Variants in CLDN8 observed in about 807,000 individuals in gnomAD.
CLDN8 encodes claudin 8, also known as claudin-8.
A neutral mutation model predicts 2.2 loss-of-function variants in CLDN8; 2 were observed. That is an observed-to-expected ratio of 0.90 (90% CI 0.37 to 2.82). The LOEUF (loss-of-function observed/expected upper bound fraction) is 2.82, where lower values mean the gene tolerates loss of function less well. Ranked by LOEUF, CLDN8 falls within the 30% of genes most tolerant of loss-of-function variation. CLDN8 has a pLI of 0.10. For synonymous variants in CLDN8, 107 were observed against 104.8 expected (o/e 1.02, Z -0.13); for missense variants, 314 against 280.5 (o/e 1.12, Z -0.85).
rs768250266 is a variant in CLDN8 at position 30,215,376 on chromosome 21, A to T, written c.550T>A (p.Cys184Ser). ...CTCTTTTCGTTGCAACAAAAAACGCAGCAGAACAGAGCTCCTCCAACAATC... is the reference window on the plus strand; with the variant it reads ...CTCTTTTCGTTGCAACAAAAAACGCTGCAGAACAGAGCTCCTCCAACAATC... ...VLIVGGALFC[C>S]VFCCNEKSSS... The change falls in exon 1 of 1, where the codon TGC becomes AGC. Residue 184 changes from cysteine (C) to serine (S), a missense_variant. Transcript: ENST00000399899. 1.2e-6 allele frequency: 2 copies of T among 1,614,160 alleles called. No homozygotes were observed. Among genetic ancestry groups the T allele is most frequent in the Non-Finnish European group, 1.7e-6 (2 of 1,180,010 alleles).
chr21:30,215,792 T>A lies in CLDN8; in HGVS notation c.134A>T (p.Asn45Ile), dbSNP rs778608955. 7 of 1,613,798 alleles carry A rather than the reference T, an allele frequency of 4.3e-6. No individual in the cohort carries two copies. The highest frequency in any genetic ancestry group is 1.6e-4 in the Middle Eastern group (1 of 6,084). The change falls in exon 1 of 1, where the codon AAC becomes ATC. Residue 45 changes from asparagine to isoleucine, a missense_variant. Asn to Ile is a moderately radical substitution (Grantham distance 149, BLOSUM62 -3). Transcript: ENST00000399899. ...FIENNIVVFE[N>I]FWEGLWMNCV... ...ATTCATCCACAGTCCTTCCCAGAAG[T>A]TTTCAAAAACCACGATGTTGTTTTC...
Position 30,214,174 on chromosome 21 carries a change from A to G in CLDN8, c.*1074T>C, listed in dbSNP as rs1029154011. 1 of 152,212 alleles carries G rather than the reference A, an allele frequency of 6.6e-6. No individual in the cohort carries two copies. The highest frequency in any genetic ancestry group is 2.4e-5 in the African/African-American group (1 of 41,478). 9.4% of individuals were successfully genotyped at this position (152,212 alleles called of 1,614,324 possible). On this transcript the variant is annotated 3_prime_UTR_variant, in exon 1 of 1. Coordinates refer to ENST00000399899, the MANE Select transcript of CLDN8 (RefSeq NM_199328.3). ...AGTATTTACAGATTTTAGTAAAACT[A>G]AACAGAAATGGTACAAGAAGGAAAT...
Position 30,215,604 on chromosome 21 carries a change from T to A in CLDN8, c.322A>T (p.Thr108Ser). Reference protein sequence around the residue: ...AILGMKCTRCTGDNEKVKAHI... With the variant: ...AILGMKCTRCSGDNEKVKAHI... Reference sequence around the variant, plus strand: ...GCCTTCACCTTCTCATTGTCCCCCGTGCACCTGGTGCATTTCATGCCAAGG... The same window carrying A: ...GCCTTCACCTTCTCATTGTCCCCCGAGCACCTGGTGCATTTCATGCCAAGG... Residue 108 changes from threonine to serine, a missense_variant, in exon 1 of 1, where the codon ACG (threonine) becomes TCG (serine). By Grantham distance (58) the Thr-to-Ser change is moderately conservative. Transcript: ENST00000399899. 1 of 1,614,086 alleles carries A rather than the reference T, an allele frequency of 6.2e-7. No individual in the cohort carries two copies. The highest frequency in any genetic ancestry group is 8.5e-7 in the Non-Finnish European group (1 of 1,180,002).
rs776257548 is a variant in CLDN8, at chr21:30,215,382, A to G, written c.544T>C (p.Phe182Leu). 1 of 1,614,150 alleles carries G rather than the reference A, an allele frequency of 6.2e-7. No individual in the cohort carries two copies. The highest frequency in any genetic ancestry group is 1.7e-5 in the Admixed American group (1 of 60,018). The change falls in exon 1 of 1, where the codon TTC becomes CTC. Residue 182 changes from phenylalanine to leucine, a missense_variant. By Grantham distance (22) the Phe-to-Leu change is conservative (BLOSUM62 0). Coordinates refer to ENST00000399899, the MANE Select transcript of CLDN8 (RefSeq NM_199328.3). ...ALVLIVGGAL[F>L]CCVFCCNEKS... ...TCGTTGCAACAAAAAACGCAGCAGA[A>G]CAGAGCTCCTCCAACAATCAGCACC... is the stretch of plus-strand genomic sequence containing the variant.
At position 30,215,597 on chromosome 21, in the gene CLDN8, T is replaced by C; in HGVS notation, c.329A>G (p.Asp110Gly). Residue 110 changes from aspartate to glycine, a missense_variant, in exon 1 of 1, where the codon GAC becomes GGC. By Grantham distance (94) the Asp-to-Gly change is moderately conservative (BLOSUM62 -1). Coordinates refer to ENST00000399899, the MANE Select transcript of CLDN8 (RefSeq NM_199328.3). ...AATGTGAGCCTTCACCTTCTCATTG[T>C]CCCCCGTGCACCTGGTGCATTTCAT... ...LGMKCTRCTG[D>G]NEKVKAHILL... The C allele has an allele frequency of 6.2e-7, 1 of 1,613,880 alleles. No individual in the cohort carries two copies. The highest frequency in any genetic ancestry group is 8.5e-7 in the Non-Finnish European group (1 of 1,179,976).
In CLDN8 at chr21:30,214,591, A is replaced by G. The variant is rs1978885108; in HGVS notation, c.*657T>C. Reference sequence around the variant, plus strand: ...TTTTAAAAATGTTAATTTAATACACAAGAAAAAAAAAGCCTCTGGGAGAAG... The same window carrying G: ...TTTTAAAAATGTTAATTTAATACACGAGAAAAAAAAAGCCTCTGGGAGAAG... On this transcript the variant is annotated 3_prime_UTR_variant, in exon 1 of 1. Transcript: ENST00000399899. 6.6e-6 allele frequency: 1 copy of G among 152,220 alleles called. No homozygotes were observed. Among genetic ancestry groups the G allele is most frequent in the South Asian group, 2.1e-4 (1 of 4,832 alleles). 9.4% of individuals were successfully genotyped at this position (152,220 alleles called of 1,614,324 possible). A position where few individuals can be genotyped will look rare whatever the true frequency, so the allele number is the denominator to read the frequency against.
chr21:30,214,925 C>CTA lies in CLDN8; in HGVS notation c.*321_*322dup. ...GTTACACTCATCTATGTACATAATGCTATGTCGTGGAGAAATTACAGTAGT... is the reference window on the plus strand; with the variant it reads ...GTTACACTCATCTATGTACATAATGCTATATGTCGTGGAGAAATTACAGTAGT... On this transcript the variant is annotated 3_prime_UTR_variant, in exon 1 of 1. Transcript: ENST00000399899. 7.3e-6 allele frequency: 2 copies of CTA among 273,740 alleles called. No individual in the cohort carries two copies. Among genetic ancestry groups the CTA allele is most frequent in the Non-Finnish European group, 1.4e-5 (2 of 141,858 alleles). The allele number at this position is 273,740 out of a possible 1,614,324, so 17.0% of individuals were successfully genotyped here.
chr21:30,215,638 C>G lies in CLDN8; in HGVS notation c.288G>C (p.Met96Ile). 1 of 1,614,078 alleles carries G rather than the reference C, an allele frequency of 6.2e-7. No individual in the cohort carries two copies. The highest frequency in any genetic ancestry group is 8.5e-7 in the Non-Finnish European group (1 of 1,180,018). Residue 96 changes from methionine to isoleucine, a missense_variant, in exon 1 of 1, where the codon ATG becomes ATC. Coordinates refer to ENST00000399899, the MANE Select transcript of CLDN8 (RefSeq NM_199328.3). ...TGCATTTCATGCCAAGGATGGCCATCATGAAAGCCAAGAAGGACATCACGG... is the reference window on the plus strand; with the variant it reads ...TGCATTTCATGCCAAGGATGGCCATGATGAAAGCCAAGAAGGACATCACGG... The part of the protein sequence containing the change: ...AASVMSFLAF[M>I]MAILGMKCTR...
In CLDN8 at chr21:30,214,736, A is replaced by C. The variant is rs1978891600; in HGVS notation, c.*512T>G. Reference sequence around the variant, plus strand: ...TTTTAATCTTCATTATAAATGGAGGACATTAATCCCTAAGCTGTTTTTAAA... The same window carrying C: ...TTTTAATCTTCATTATAAATGGAGGCCATTAATCCCTAAGCTGTTTTTAAA... On this transcript the variant is annotated 3_prime_UTR_variant, in exon 1 of 1. Coordinates refer to ENST00000399899, the MANE Select transcript of CLDN8 (RefSeq NM_199328.3). 6.5e-6 allele frequency: 1 copy of C among 153,138 alleles called. No individual in the cohort carries two copies. Among genetic ancestry groups the C allele is most frequent in the Non-Finnish European group, 1.5e-5 (1 of 68,412 alleles). The allele number at this position is 153,138 out of a possible 1,614,324, so 9.5% of individuals were successfully genotyped here.
rs528320810 is a variant in CLDN8 at position 30,214,293 on chromosome 21, T to G, written c.*955A>C. On this transcript the variant is annotated 3_prime_UTR_variant, in exon 1 of 1. Coordinates refer to ENST00000399899, the MANE Select transcript of CLDN8 (RefSeq NM_199328.3). ...AAGGACAACTTTTTTTGTTGTTGTT[T>G]TTTTGGTAAGCAAATGAAAACCAAG... 80 of 152,274 alleles carry G rather than the reference T, an allele frequency of 5.3e-4. No individual in the cohort carries two copies. The highest frequency in any genetic ancestry group is 1.6e-3 in the African/African-American group (68 of 41,584). The allele number at this position is 152,274 out of a possible 1,614,324, so 9.4% of individuals were successfully genotyped here.
rs1271825272 is a variant in CLDN8, at chr21:30,214,462, T to C, written c.*786A>G. The C allele has an allele frequency of 6.6e-6, 1 of 152,152 alleles. No individual in the cohort carries two copies. The highest frequency in any genetic ancestry group is 2.4e-5 in the African/African-American group (1 of 41,456). The allele number at this position is 152,152 out of a possible 1,614,324, so 9.4% of individuals were successfully genotyped here. A position where few individuals can be genotyped will look rare whatever the true frequency, so the allele number is the denominator to read the frequency against. ...ATACAAAAACAAAAATATTTTCACT[T>C]TCCTAAAACCATCACTTTTTCTTAG... is the stretch of plus-strand genomic sequence containing the variant. On this transcript the variant is annotated 3_prime_UTR_variant, in exon 1 of 1. Coordinates refer to ENST00000399899, the MANE Select transcript of CLDN8 (RefSeq NM_199328.3).
Position 30,215,387 on chromosome 21 carries a change from G to A in CLDN8, c.539C>T (p.Ala180Val). 1 of 1,614,094 alleles carries A rather than the reference G, an allele frequency of 6.2e-7. No homozygotes were observed. Among genetic ancestry groups the A allele is most frequent in the Non-Finnish European group, 8.5e-7 (1 of 1,180,002 alleles). ...TTALVLIVGGALFCCVFCCNE... is the reference protein window; with the variant it reads ...TTALVLIVGGVLFCCVFCCNE... ...GCAACAAAAAACGCAGCAGAACAGA[G>A]CTCCTCCAACAATCAGCACCAGTGC... Residue 180 changes from alanine (A) to valine (V), a missense_variant, in exon 1 of 1, where the codon GCT becomes GTT. Transcript: ENST00000399899.
rs1978944622 is a variant in CLDN8 at position 30,215,569 on chromosome 21, C to T, written c.357G>A (p.Leu119=). 3.1e-6 allele frequency: 5 copies of T among 1,614,084 alleles called. No individual in the cohort carries two copies. Among genetic ancestry groups the T allele is most frequent in the Non-Finnish European group, 4.2e-6 (5 of 1,180,002 alleles). ...GDNEKVKAHI[L]LTAGIIFIIT... ...TGATGAAGATGATTCCAGCCGTCAG[C>T]AGAATGTGAGCCTTCACCTTCTCAT... is the stretch of plus-strand genomic sequence containing the variant. The change falls in exon 1 of 1, where the codon CTG becomes CTA. Residue 119 remains leucine (L), a synonymous_variant. Transcript: ENST00000399899.
Position 30,215,973 on chromosome 21 carries a change from T to G in CLDN8, c.-48A>C. 8 of 1,502,050 alleles carry G rather than the reference T, an allele frequency of 5.3e-6. No homozygotes were observed. Among genetic ancestry groups the G allele is most frequent in the Non-Finnish European group, 7.2e-6 (8 of 1,109,478 alleles). 93.0% of individuals were successfully genotyped at this position (1,502,050 alleles called of 1,614,324 possible). The stretch of plus-strand genomic sequence containing the variant: ...CCAGCTGGACTCCGGAACTGCTACT[T>G]CTGCTTTGAAGCAGGGTTCTCTGTG... On this transcript the variant is annotated 5_prime_UTR_variant, in exon 1 of 1. Transcript: ENST00000399899.
At position 30,215,921 on chromosome 21, in the gene CLDN8, G is replaced by A; in HGVS notation, c.5C>T (p.Ala2Val). The change falls in exon 1 of 1, where the codon GCA (alanine) becomes GTA (valine). Residue 2 changes from alanine to valine, a missense_variant. Transcript: ENST00000399899. Reference protein sequence around the residue: MATHALEIAGLF... With the variant: MVTHALEIAGLF... ...CCCAGCGATTTCTAAGGCATGGGTT[G>A]CCATTATCCTCTGGGATGAGTTTTA... 1 of 1,599,674 alleles carries A rather than the reference G, an allele frequency of 6.3e-7. No homozygotes were observed. The highest frequency in any genetic ancestry group is 8.5e-7 in the Non-Finnish European group (1 of 1,172,850).
In CLDN8 at chr21:30,215,954, G is replaced by A. The variant is rs776614655; in HGVS notation, c.-29C>T. On this transcript the variant is annotated 5_prime_UTR_variant, in exon 1 of 1. Coordinates refer to ENST00000399899, the MANE Select transcript of CLDN8 (RefSeq NM_199328.3). ...CCTCTGGGATGAGTTTTAGCCAGCT[G>A]GACTCCGGAACTGCTACTTCTGCTT... 5 of 1,557,490 alleles carry A rather than the reference G, an allele frequency of 3.2e-6. No individual in the cohort carries two copies. The Admixed American group carries it at 5.7e-5, about 18-fold the overall frequency.
At position 30,215,238 on chromosome 21, in the gene CLDN8, A is replaced by G. The variant is rs373609628; in HGVS notation, c.*10T>C. On this transcript the variant is annotated 3_prime_UTR_variant, in exon 1 of 1. Transcript: ENST00000399899. ...ATGGCTTTATAGTAAAGTTAAAAAA[A>G]CATACACAACTACACATACTGACTT... 1.9e-6 allele frequency: 3 copies of G among 1,605,586 alleles called. No homozygotes were observed. Among genetic ancestry groups the G allele is most frequent in the South Asian group, 2.2e-5 (2 of 90,450 alleles).
Position 30,215,373 on chromosome 21 carries a change from CGCA to C in CLDN8, c.550_552del (p.Cys184del). 1 of 1,614,088 alleles carries C rather than the reference CGCA, an allele frequency of 6.2e-7. No individual in the cohort carries two copies. The highest frequency in any genetic ancestry group is 8.5e-7 in the Non-Finnish European group (1 of 1,180,016). ...CTGCTCTTTTCGTTGCAACAAAAAACGCAGCAGAACAGAGCTCCTCCAACAATC... is the reference window on the plus strand; with the variant it reads ...CTGCTCTTTTCGTTGCAACAAAAAACGCAGAACAGAGCTCCTCCAACAATC... On this transcript the variant is annotated inframe_deletion, in exon 1 of 1. Coordinates refer to ENST00000399899, the MANE Select transcript of CLDN8 (RefSeq NM_199328.3).
Position 30,215,234 on chromosome 21 carries a change from A to G in CLDN8, c.*14T>C. 6.2e-7 allele frequency: 1 copy of G among 1,603,150 alleles called. No individual in the cohort carries two copies. The highest frequency in any genetic ancestry group is 8.5e-7 in the Non-Finnish European group (1 of 1,172,286). On this transcript the variant is annotated 3_prime_UTR_variant, in exon 1 of 1. Transcript: ENST00000399899. Reference sequence around the variant, plus strand: ...TTGCATGGCTTTATAGTAAAGTTAAAAAAACATACACAACTACACATACTG... The same window carrying G: ...TTGCATGGCTTTATAGTAAAGTTAAGAAAACATACACAACTACACATACTG...
Sources: allele counts gnomAD v4.1 joint callset, GRCh38; gene constraint gnomAD v4.1.1; transcripts MANE v1.5; gene names NCBI Gene and HGNC (gene_info 2026-07-23, HGNC 2026-07-21).